Variants in MUSK observed in about 807,000 individuals in gnomAD.
MUSK encodes muscle associated receptor tyrosine kinase.
A neutral mutation model predicts 88.7 loss-of-function variants in MUSK; 55 were observed. The ratio of observed to expected loss-of-function variants is 0.62; its 90% CI spans 0.50 to 0.78. MUSK has a LOEUF of 0.78. Among genes scored for constraint, MUSK ranks in the 30% least tolerant of loss-of-function variants. The pLI, the probability that MUSK is intolerant of heterozygous loss-of-function variation, is 0.00. For synonymous variants in MUSK, 387 were observed against 391.9 expected (o/e 0.99, Z 0.15); for missense variants, 1,015 against 1,074.3 (o/e 0.94, Z 0.77).
intron 9 of MUSK, among the ~76,000 whole-genome samples, chr9:110,773,984 G>T (rs565657791): frequency 1.3e-5 from 2 of 152,042 alleles, no homozygotes; most frequent in Admixed American, 6.6e-5. Flanking sequence ...AAAATAATGG[G>T]TAATATGCCC....
At chr9:110,670,927 G>T (rs374528908) in intron 1 of MUSK, among the ~76,000 whole-genome samples, 3 of 152,100 alleles carry the variant, frequency 2.0e-5, no homozygotes, top group Admixed American at 6.5e-5. Context: ...GAAGGGTGAG[G>T]AATACATTGG....
chr9:110,714,296 C>T (rs1028628914), intron 5 of MUSK, among the ~76,000 whole-genome samples: 3 of 152,242 alleles, frequency 2.0e-5, no homozygotes, highest in Middle Eastern at 3.4e-3. Flanking sequence ...ATTTCTTGCT[C>T]GTACCCACTA....
chr9:110,695,300 A>G, intron 3 of MUSK, 103 bp from the exon 4 acceptor site: 1 of 833,260 alleles, frequency 1.2e-6, no homozygotes, highest in Non-Finnish European at 1.7e-6. Flanking sequence ...CATGCCTCAA[A>G]TGATTCTCAA....
chr9:110,784,811 A>T lies in MUSK; in HGVS notation c.1385-4A>T, dbSNP rs1310628793. On this transcript the variant is annotated splice_region_variant and splice_polypyrimidine_tract_variant and intron_variant, in intron 11 of 14. Transcript: ENST00000374448. ...TGAATGAAATAATTATTCTTTACTT[A>T]CAGCATTCCCACCAATGACGTCCTC... 6.3e-7 allele frequency: 1 copy of T among 1,599,902 alleles called. No homozygotes were observed. Among genetic ancestry groups the T allele is most frequent in the Non-Finnish European group, 8.5e-7 (1 of 1,172,378 alleles).
At chr9:110,747,901 C>T in intron 7 of MUSK, 101 bp downstream of exon 7, 1 of 1,442,256 alleles carries the variant, frequency 6.9e-7, no homozygotes, top group East Asian at 2.3e-5. Flanking sequence ...TCTTTTATCT[C>T]TTATTTCAGT....
intron 3 of MUSK, among the ~76,000 whole-genome samples, chr9:110,692,401 T>G (rs2076368699): frequency 6.6e-6 from 1 of 152,098 alleles, no homozygotes. Flanking sequence ...CTTGAAGTCC[T>G]GTGCTCAAGT....
At chr9:110,705,512 T>C (rs2076587172) in intron 5 of MUSK, among the ~76,000 whole-genome samples, 1 of 152,228 alleles carries the variant, frequency 6.6e-6, no homozygotes, top group Non-Finnish European at 1.5e-5. Context: ...TCTTCTTTTC[T>C]ATGTATAGAT....
intron 6 of MUSK, among the ~76,000 whole-genome samples, chr9:110,735,871 G>C (rs1352415009): frequency 2.0e-5 from 3 of 152,132 alleles, no homozygotes; most frequent in Non-Finnish European, 4.4e-5. Context: ...TAAACAACCA[G>C]ATCTCACAAT....
At chr9:110,774,577 G>A (rs1429336507) in intron 9 of MUSK, among the ~76,000 whole-genome samples, 2 of 151,978 alleles carry the variant, frequency 1.3e-5, no homozygotes, top group African/African-American at 4.8e-5. Flanking sequence ...CTGTCTGCGT[G>A]CAAAAAAATG....
chr9:110,671,472 A>C (rs2075956025), intron 1 of MUSK, among the ~76,000 whole-genome samples: 1 of 152,366 alleles, frequency 6.6e-6, no homozygotes, highest in East Asian at 1.9e-4. Context: ...ATTTAAAATA[A>C]CACAAAAGTA....
intron 5 of MUSK, among the ~76,000 whole-genome samples, chr9:110,709,403 G>T (rs1269825814): frequency 2.6e-5 from 4 of 152,140 alleles, no homozygotes; most frequent in Non-Finnish European, 5.9e-5. Flanking sequence ...CCAAATCCTG[G>T]TTCTACCACC....
intron 7 of MUSK, chr9:110,761,764 TG>T (rs945807406): frequency 5.1e-6 from 1 of 196,766 alleles, no homozygotes; most frequent in Non-Finnish European, 9.1e-6. Context: ...TTAGTAGAGA[TG>T]GGGTTTCACC....
intron 5 of MUSK, among the ~76,000 whole-genome samples, chr9:110,708,842 T>C (rs888709294): frequency 1.3e-5 from 2 of 152,152 alleles, no homozygotes; most frequent in East Asian, 1.9e-4. Flanking sequence ...TTAAAGAAAA[T>C]GTACTTTAAA....
chr9:110,669,010 G>C (rs185957122), intron 1 of MUSK, 27 bp downstream of exon 1: 22 of 1,581,952 alleles, frequency 1.4e-5, no homozygotes, highest in Admixed American at 1.7e-5. Context: ...GTGTCTTCTT[G>C]TTGTCTTGTC....
chr9:110,678,932 C>T (rs569348183), intron 1 of MUSK, among the ~76,000 whole-genome samples: 28 of 151,916 alleles, frequency 1.8e-4, no homozygotes, highest in African/African-American at 6.8e-4. Context: ...CTATTTCTTA[C>T]AGATTTTATT....
intron 3 of MUSK, among the ~76,000 whole-genome samples, chr9:110,688,405 A>G (rs2076225638): frequency 6.6e-6 from 1 of 151,914 alleles, no homozygotes; most frequent in African/African-American, 2.4e-5. Flanking sequence ...GTACACACGT[A>G]TGTAGTCGTT....
At chr9:110,785,846 A>G (rs907906709) in intron 13 of MUSK, 128 bp downstream of exon 13, 25 of 465,970 alleles carry the variant, frequency 5.4e-5, no homozygotes, top group Admixed American at 3.8e-5. Flanking sequence ...ATATATATAT[A>G]TCAAGCTAAT....
rs760617644 is a variant in MUSK, at chr9:110,764,598, A to AT, written c.920+2391dup. ...TATATAAATTTAGATAGATAGATAG[A>AT]TAGATTAGATAGATAGATAGATAGA... On this transcript the variant is annotated intron_variant, in intron 8 of 14. Coordinates refer to ENST00000374448, the MANE Select transcript of MUSK (RefSeq NM_005592.4). 6.8e-3 allele frequency among the ~76,000 whole-genome samples: 971 copies of AT among 143,110 alleles called. 5 individuals are homozygous for AT. The highest frequency in any genetic ancestry group is 0.011 in the Middle Eastern group (3 of 282). The allele number at this position is 143,110 out of a possible 152,430, so 93.9% of individuals were successfully genotyped here. A position where few individuals can be genotyped will look rare whatever the true frequency, so the allele number is the denominator to read the frequency against.
At chr9:110,756,366 T>C (rs55853895) in intron 7 of MUSK, among the ~76,000 whole-genome samples, 14,318 of 151,898 alleles carry the variant, frequency 0.094, 715 homozygotes, top group Middle Eastern at 0.15. Flanking sequence ...TGCTTATGAC[T>C]GGGGTTCTTT....
Sources: allele counts gnomAD v4.1 joint callset (sites outside exome capture counted in the v4.1 genomes callset), GRCh38; gene constraint gnomAD v4.1.1; transcripts MANE v1.5; gene names NCBI Gene and HGNC (gene_info 2026-07-23, HGNC 2026-07-21).